CCDC148: variants seen among roughly 807,000 people sequenced by gnomAD.
CCDC148 encodes the protein coiled-coil domain-containing protein 148.
A neutral mutation model predicts 85.7 loss-of-function variants in CCDC148; 89 were observed. That is an observed-to-expected ratio of 1.04 (90% CI 0.87 to 1.24). The LOEUF (loss-of-function observed/expected upper bound fraction) is 1.24. Ranked by LOEUF, CCDC148 falls within the 50% of genes most tolerant of loss-of-function variation. The pLI is 0.00. For missense variants in CCDC148, 692 were observed against 671.7 expected (o/e 1.03, Z -0.33); for synonymous variants, 230 against 213.9 (o/e 1.08, Z -0.66).
intron 1 of CCDC148, among the ~76,000 whole-genome samples, chr2:158,403,186 T>C (rs1276457655): frequency 6.7e-6 from 1 of 149,404 alleles, no homozygotes; most frequent in African/African-American, 2.5e-5. Flanking sequence ...TATTTTTTTC[T>C]TTTTTTTTTC....
rs1197321169 is a variant in CCDC148, at chr2:158,340,559, T to C, written c.334+39A>G. On this transcript the variant is annotated intron_variant, in intron 4 of 13. Coordinates refer to ENST00000283233, the MANE Select transcript of CCDC148 (RefSeq NM_138803.4). The stretch of plus-strand genomic sequence containing the variant: ...AGTGGCCCATTCTCATTCTTCAAAA[T>C]AAAACTCCCCTTTAAATATAGGATC... 3 of 1,472,386 alleles carry C rather than the reference T, an allele frequency of 2.0e-6. No individual in the cohort carries two copies. The East Asian group carries it at 6.9e-5, about 34-fold the overall frequency. 91.2% of individuals were successfully genotyped at this position (1,472,386 alleles called of 1,614,324 possible).
intron 9 of CCDC148, among the ~76,000 whole-genome samples, chr2:158,283,242 T>C (rs376765896): frequency 7.2e-5 from 11 of 152,088 alleles, no homozygotes; most frequent in African/African-American, 2.2e-4. Flanking sequence ...GTCTAAAACA[T>C]CAAAAGCAAT....
intron 9 of CCDC148, among the ~76,000 whole-genome samples, chr2:158,257,511 T>C (rs887433928): frequency 1.3e-5 from 2 of 151,902 alleles, no homozygotes; most frequent in African/African-American, 2.4e-5. Context: ...TCATGAAATA[T>C]AGTACCTGTG....
intron 1 of CCDC148, among the ~76,000 whole-genome samples, chr2:158,435,293 C>A (rs960840590): frequency 2.0e-5 from 3 of 152,180 alleles, no homozygotes; most frequent in African/African-American, 7.2e-5. Context: ...CAGAAACTCT[C>A]CAAGCCAGAA....
chr2:158,235,240 G>C (rs762589881), intron 10 of CCDC148, among the ~76,000 whole-genome samples: 1 of 152,162 alleles, frequency 6.6e-6, no homozygotes, highest in Non-Finnish European at 1.5e-5. Context: ...ATATTTGGGA[G>C]GAGCATGTAA....
chr2:158,237,413 A>C (rs1688156430), intron 10 of CCDC148, among the ~76,000 whole-genome samples: 1 of 152,030 alleles, frequency 6.6e-6, no homozygotes, highest in Non-Finnish European at 1.5e-5. Flanking sequence ...ATGGAAAGGG[A>C]GGGGACATAT....
chr2:158,307,237 C>T (rs1415502439), intron 9 of CCDC148, among the ~76,000 whole-genome samples: 1 of 151,848 alleles, frequency 6.6e-6, no homozygotes, highest in African/African-American at 2.4e-5. Flanking sequence ...AAAAAAAGCA[C>T]AAAACCCAAT....
At chr2:158,354,461 T>C (rs1683510640) in intron 2 of CCDC148, among the ~76,000 whole-genome samples, 1 of 151,232 alleles carries the variant, frequency 6.6e-6, no homozygotes, top group Non-Finnish European at 1.5e-5. Context: ...TCTACGCAAA[T>C]AAACTAGAAA....
chr2:158,173,086 T>C (rs1477982080), intron 13 of CCDC148, among the ~76,000 whole-genome samples: 3 of 152,022 alleles, frequency 2.0e-5, no homozygotes, highest in Non-Finnish European at 4.4e-5. Flanking sequence ...GCAGATGCCC[T>C]AAAAGTAGTA....
At chr2:158,284,576 A>T (rs62182653) in intron 9 of CCDC148, among the ~76,000 whole-genome samples, 1 of 152,220 alleles carries the variant, frequency 6.6e-6, no homozygotes, top group African/African-American at 2.4e-5. Flanking sequence ...TGAGTGAAAA[A>T]CTGCAGCAGT....
At chr2:158,268,008 T>C (rs1190603744) in intron 9 of CCDC148, among the ~76,000 whole-genome samples, 1 of 152,192 alleles carries the variant, frequency 6.6e-6, no homozygotes, top group African/African-American at 2.4e-5. Context: ...TGTAGGACGT[T>C]TGGGTTGTTT....
At chr2:158,223,302 G>T (rs1179678065) in intron 10 of CCDC148, among the ~76,000 whole-genome samples, 2 of 152,198 alleles carry the variant, frequency 1.3e-5, no homozygotes, top group Non-Finnish European at 2.9e-5. Context: ...GCTTGAGTAG[G>T]TAAACAAAGC....
intron 9 of CCDC148, among the ~76,000 whole-genome samples, chr2:158,287,867 C>T (rs1574553456): frequency 6.6e-6 from 1 of 152,328 alleles, no homozygotes; most frequent in Non-Finnish European, 1.5e-5. Context: ...CATTTCTCTT[C>T]TGTACTGCCT....
At chr2:158,429,982 T>G (rs968054456) in intron 1 of CCDC148, among the ~76,000 whole-genome samples, 25 of 152,090 alleles carry the variant, frequency 1.6e-4, no homozygotes, top group African/African-American at 5.8e-4. Flanking sequence ...GAAGCAGAGT[T>G]ATAAAAAAGA....
At chr2:158,322,704 A>G (rs1692575886) in intron 7 of CCDC148, among the ~76,000 whole-genome samples, 1 of 152,132 alleles carries the variant, frequency 6.6e-6, no homozygotes, top group Admixed American at 6.6e-5. Context: ...GCTACTAACA[A>G]GTAGGGTAAA....
chr2:158,260,616 C>T (rs963192811), intron 9 of CCDC148, among the ~76,000 whole-genome samples: 5 of 151,984 alleles, frequency 3.3e-5, no homozygotes, highest in Admixed American at 3.3e-4. Flanking sequence ...CTATAAAAAC[C>T]CATAGTCTCA....
At chr2:158,212,632 A>G (rs1270738345) in intron 11 of CCDC148, among the ~76,000 whole-genome samples, 3 of 152,182 alleles carry the variant, frequency 2.0e-5, no homozygotes, top group African/African-American at 7.2e-5. Flanking sequence ...ACTGTTTTAC[A>G]ATACAGGAAA....
intron 1 of CCDC148, among the ~76,000 whole-genome samples, chr2:158,413,604 T>TC (rs1010598320): frequency 2.2e-3 from 19 of 8,746 alleles, no homozygotes; most frequent in African/African-American, 2.8e-3. Flanking sequence ...TTCTCTTGCC[T>TC]TTTTTTTTTC....
intron 7 of CCDC148, among the ~76,000 whole-genome samples, chr2:158,315,466 GT>G (rs1692233096): frequency 6.6e-6 from 1 of 151,338 alleles, no homozygotes; most frequent in South Asian, 2.1e-4. Flanking sequence ...TTTGTAAAAT[GT>G]TTTTTTAATC....
Sources: allele counts gnomAD v4.1 joint callset (sites outside exome capture counted in the v4.1 genomes callset), GRCh38; gene constraint gnomAD v4.1.1; transcripts MANE v1.5; gene names NCBI Gene and HGNC (gene_info 2026-07-23, HGNC 2026-07-21).